Variants in KIAA1958 observed in about 807,000 individuals in gnomAD.
KIAA1958 encodes KIAA1958, also known as uncharacterized protein KIAA1958.
Under a neutral mutation model 47.2 loss-of-function variants are expected in KIAA1958, and 14 were observed. The observed-to-expected ratio is 0.30, with a 90% CI of 0.20 to 0.46. The LOEUF is 0.46. Ranked by LOEUF, KIAA1958 falls within the 20% of genes least tolerant of loss-of-function variation. The probability of loss-of-function intolerance (pLI) is 1.00; values close to 1 mark genes in which losing one functional copy is unlikely to be tolerated. For synonymous variants in KIAA1958, 354 were observed against 353.3 expected, an observed-to-expected ratio of 1.00 and a Z score of -0.02; for missense variants, 803 against 909.2, an observed-to-expected ratio of 0.88 and a Z score of 1.50.
chr9:112,544,054 T>A (rs1834989119), intron 1 of KIAA1958, among the ~76,000 whole-genome samples: 1 of 152,210 alleles, frequency 6.6e-6, no homozygotes, highest in Non-Finnish European at 1.5e-5. Context: ...TATGTCTCTA[T>A]TGTCTTAGTA....
intron 1 of KIAA1958, among the ~76,000 whole-genome samples, chr9:112,521,721 T>C (rs1834547539): frequency 6.6e-6 from 1 of 152,140 alleles, no homozygotes; most frequent in South Asian, 2.1e-4. Context: ...ATATATTCTG[T>C]ATTTGAAAAA....
In KIAA1958 at chr9:112,539,230, T is replaced by G. The variant is rs536124005; in HGVS notation, c.-24-34827T>G. On this transcript the variant is annotated intron_variant, in intron 1 of 3. Coordinates refer to ENST00000337530, the MANE Select transcript of KIAA1958 (RefSeq NM_133465.4). The stretch of plus-strand genomic sequence containing the variant: ...AGACTATTGGAAACATTTGTCCACA[T>G]AAAAACTTGTGTGTGAATTCTCATA... 1.4e-4 allele frequency among the ~76,000 whole-genome samples: 21 copies of G among 152,338 alleles called. 2 individuals are homozygous for G. The highest frequency in any genetic ancestry group is 5.1e-4 in the African/African-American group (21 of 41,580).
chr9:112,533,580 CAAAA>C lies in KIAA1958; in HGVS notation c.-24-40455_-24-40452del, dbSNP rs57032014. On this transcript the variant is annotated intron_variant, in intron 1 of 3. Coordinates refer to ENST00000337530, the MANE Select transcript of KIAA1958 (RefSeq NM_133465.4). ...TGGGCGACACAGCGAGACTCCATCC[CAAAA>C]AAAAAAAAAAAAAAAAAAAAAGAAA... is the stretch of plus-strand genomic sequence containing the variant. Among the ~76,000 whole-genome samples the C allele has an allele frequency of 1.7e-3, 216 of 125,334 alleles. 1 individual carries two copies. Among genetic ancestry groups the C allele is most frequent in the Middle Eastern group, 4.2e-3 (1 of 238 alleles). The allele number at this position is 125,334 out of a possible 152,430, so 82.2% of individuals were successfully genotyped here.
chr9:112,588,587 A>G (rs1835869069), intron 2 of KIAA1958, among the ~76,000 whole-genome samples: 1 of 152,240 alleles, frequency 6.6e-6, no homozygotes, highest in Non-Finnish European at 1.5e-5. Flanking sequence ...GCAGAAGTGT[A>G]TCTTAGAATC....
At chr9:112,584,520 C>T (rs989346785) in intron 2 of KIAA1958, among the ~76,000 whole-genome samples, 2 of 152,120 alleles carry the variant, frequency 1.3e-5, no homozygotes, top group African/African-American at 4.8e-5. Flanking sequence ...CTACTGTCTT[C>T]TAGTATATTT....
intron 2 of KIAA1958, among the ~76,000 whole-genome samples, chr9:112,585,470 T>C (rs965936644): frequency 1.4e-4 from 21 of 152,206 alleles, no homozygotes; most frequent in African/African-American, 4.8e-4. Flanking sequence ...GCTGGAAAGA[T>C]GGGCTGGAAA....
chr9:112,526,493 G>A (rs1437412921), intron 1 of KIAA1958, among the ~76,000 whole-genome samples: 1 of 151,910 alleles, frequency 6.6e-6, no homozygotes, highest in Non-Finnish European at 1.5e-5. Flanking sequence ...TGATCCACCC[G>A]CCTCAGCCTC....
intron 2 of KIAA1958, chr9:112,617,866 T>G: frequency 6.5e-7 from 1 of 1,542,670 alleles, no homozygotes; most frequent in Non-Finnish European, 8.8e-7. Context: ...CCCAATTTGT[T>G]GCAGACCAGG....
At chr9:112,515,223 C>A (rs1188681585) in intron 1 of KIAA1958, among the ~76,000 whole-genome samples, 1 of 107,410 alleles carries the variant, frequency 9.3e-6, no homozygotes, top group Non-Finnish European at 2.0e-5. Context: ...GGGGGTCAGC[C>A]CCCCACCCGG....
chr9:112,572,205 G>C (rs1387581153), intron 1 of KIAA1958, among the ~76,000 whole-genome samples: 1 of 152,104 alleles, frequency 6.6e-6, no homozygotes, highest in Non-Finnish European at 1.5e-5. Context: ...GGAGAAAACT[G>C]TCTAATCCCT....
Position 112,618,285 on chromosome 9 carries a change from G to A in KIAA1958, c.1172-27365G>A. 2 of 1,550,938 alleles carry A rather than the reference G, an allele frequency of 1.3e-6. No individual in the cohort carries two copies. Among genetic ancestry groups the A allele is most frequent in the Non-Finnish European group, 1.7e-6 (2 of 1,147,066 alleles). ...ACCTTTGCTGACGAGCTCATCCTGC[G>A]GAAAAGGGGACTGCTAAGCCGATAT... On this transcript the variant is annotated intron_variant, in intron 2 of 3. Coordinates refer to ENST00000337530, the MANE Select transcript of KIAA1958 (RefSeq NM_133465.4). This position sits in a 1 kb window ranked among gnomAD's most constrained non-coding sequence, Gnocchi z 7.1.
chr9:112,508,852 A>T (rs1039637662), intron 1 of KIAA1958, among the ~76,000 whole-genome samples: 1 of 152,160 alleles, frequency 6.6e-6, no homozygotes, highest in African/African-American at 2.4e-5. Context: ...GCTGACCACT[A>T]GTTAAACTAT....
At chr9:112,502,713 T>C (rs1275114872) in intron 1 of KIAA1958, among the ~76,000 whole-genome samples, 1 of 152,234 alleles carries the variant, frequency 6.6e-6, no homozygotes, top group Non-Finnish European at 1.5e-5. Context: ...CACCGTTTGT[T>C]GTCTGTGGTT....
At chr9:112,649,365 C>T (rs1240803475) in intron 3 of KIAA1958, among the ~76,000 whole-genome samples, 2 of 151,504 alleles carry the variant, frequency 1.3e-5, no homozygotes, top group South Asian at 2.1e-4. Flanking sequence ...TCTGTGTTGC[C>T]CAGACTAATC....
intron 1 of KIAA1958, among the ~76,000 whole-genome samples, chr9:112,507,625 A>T (rs985219548): frequency 6.6e-6 from 1 of 152,214 alleles, no homozygotes; most frequent in Admixed American, 6.5e-5. Flanking sequence ...CTGGGATTAC[A>T]GGCCCTGAGC....
intron 1 of KIAA1958, among the ~76,000 whole-genome samples, chr9:112,532,272 A>G (rs868133109): frequency 7.9e-5 from 12 of 152,368 alleles, no homozygotes; most frequent in Admixed American, 6.5e-4. Context: ...TTGCAAGAGT[A>G]GCACAATGAA....
chr9:112,659,993 A>G lies in KIAA1958; in HGVS notation c.2075A>G (p.Glu692Gly), dbSNP rs764131833. ...AACTTAGCCAAGAAGGTCAAGCTGG[A>G]AAACTGTGAGAACTTCACCTTTGTC... ...VPNLAKKVKL[E>G]NCENFTFVSF... Residue 692 changes from glutamate (E) to glycine (G), a missense_variant, in exon 4 of 4, where the codon GAA (glutamate) becomes GGA (glycine). By Grantham distance (98) the Glu-to-Gly change is moderately conservative (BLOSUM62 -2). Coordinates refer to ENST00000337530, the MANE Select transcript of KIAA1958 (RefSeq NM_133465.4). The G allele has an allele frequency of 6.2e-7, 1 of 1,614,246 alleles. No homozygotes were observed. Among genetic ancestry groups the G allele is most frequent in the Admixed American group, 1.7e-5 (1 of 60,036 alleles).
rs755426803 is a variant in KIAA1958, at chr9:112,574,885, A to C, written c.805A>C (p.Met269Leu). 3.1e-6 allele frequency: 5 copies of C among 1,614,110 alleles called. No homozygotes were observed. The highest frequency in any genetic ancestry group is 4.2e-6 in the Non-Finnish European group (5 of 1,180,002). The change falls in exon 2 of 4, where the codon ATG becomes CTG. Residue 269 changes from methionine to leucine, a missense_variant. Transcript: ENST00000337530. ...CAGCACGGAGCTAGACCCACACGGTATGTCTGCATCCCCCTCTGTGATCTC... is the reference window on the plus strand; with the variant it reads ...CAGCACGGAGCTAGACCCACACGGTCTGTCTGCATCCCCCTCTGTGATCTC... ...AISTELDPHGMSASPSVISRP... is the reference protein window; with the variant it reads ...AISTELDPHGLSASPSVISRP...
intron 1 of KIAA1958, among the ~76,000 whole-genome samples, chr9:112,560,932 G>C (rs1293115266): frequency 1.3e-5 from 2 of 151,882 alleles, no homozygotes; most frequent in Non-Finnish European, 2.9e-5. Flanking sequence ...TTCTTCATCT[G>C]TGAATTCTTG....
Sources: gnomAD v4.1 joint callset for allele counts (sites outside exome capture counted in the v4.1 genomes callset) on GRCh38, gnomAD v4.1.1 for gene constraint, Gnocchi (gnomAD v3.1) non-coding constraint, MANE v1.5 for transcripts, NCBI Gene and HGNC (gene_info 2026-07-23, HGNC 2026-07-21) for gene names.